RYR2: variants seen among roughly 807,000 people sequenced by gnomAD.
RYR2 encodes the protein ryanodine receptor 2, also known as cardiac muscle ryanodine receptor-calcium release channel.
In RYR2, 227 loss-of-function variants were observed where a neutral mutation model predicts 601.1. That is an observed-to-expected ratio of 0.38 (90% CI 0.34 to 0.42). The LOEUF (loss-of-function observed/expected upper bound fraction) is 0.42, where lower values mean the gene tolerates loss of function less well. Among genes scored for constraint, RYR2 ranks in the 10% least tolerant of loss-of-function variants. The pLI is 1.00. For missense variants in RYR2, 4,646 were observed against 6,156.5 expected (o/e 0.75, Z 8.21); for synonymous variants, 2,223 against 2,175.1 (o/e 1.02, Z -0.61).
chr1:237,197,033 A>G (rs1322857575), intron 1 of RYR2, among the ~76,000 whole-genome samples: 1 of 152,140 alleles, frequency 6.6e-6, no homozygotes, highest in African/African-American at 2.4e-5. Context: ...GCTGTTGTGA[A>G]TGGAATCTTT....
At position 237,393,126 on chromosome 1, in the gene RYR2, C is replaced by T. The variant is rs150670983; in HGVS notation, c.773+4943C>T. ...TGGTATGTTTTGTGGGGTGGTATGA[C>T]GGAGAGGTGGGGAGAGAAGGAGAGA... On this transcript the variant is annotated intron_variant, in intron 10 of 104. Coordinates refer to ENST00000366574, the MANE Select transcript of RYR2 (RefSeq NM_001035.3). Among the ~76,000 whole-genome samples, 321 of 152,080 alleles carry T rather than the reference C, an allele frequency of 2.1e-3. 2 individuals carry two copies. In the South Asian group the frequency reaches 0.032, roughly 15 times the overall value.
intron 10 of RYR2, among the ~76,000 whole-genome samples, chr1:237,406,504 A>ATGTG (rs1558765581): frequency 6.6e-6 from 1 of 151,904 alleles, no homozygotes; most frequent in Non-Finnish European, 1.5e-5. Context: ...TACTTTTGCA[A>ATGTG]CATTTACACA....
rs2150216325 is a variant in RYR2, at chr1:237,454,339, T to C, written c.1293-52T>C. The C allele has an allele frequency of 3.3e-6, 5 of 1,525,046 alleles. No individual in the cohort carries two copies. In the East Asian group the frequency reaches 6.8e-5, roughly 21 times the overall value. The allele number at this position is 1,525,046 out of a possible 1,614,324, so 94.5% of individuals were successfully genotyped here. A position where few individuals can be genotyped will look rare whatever the true frequency, so the allele number is the denominator to read the frequency against. On this transcript the variant is annotated intron_variant, in intron 14 of 104. Coordinates refer to ENST00000366574, the MANE Select transcript of RYR2 (RefSeq NM_001035.3). ...CTGAAATCATCTATAAATGGAAAAA[T>C]GATAAAATTGTGAATCACTGACAAT...
intron 23 of RYR2, among the ~76,000 whole-genome samples, chr1:237,507,529 T>A (rs1011473865): frequency 3.9e-5 from 6 of 152,238 alleles, no homozygotes; most frequent in Non-Finnish European, 8.8e-5. Context: ...TATTTACCCT[T>A]CATAGTTTAT....
At chr1:237,158,636 G>A (rs1158843749) in intron 1 of RYR2, among the ~76,000 whole-genome samples, 2 of 152,076 alleles carry the variant, frequency 1.3e-5, no homozygotes, top group African/African-American at 4.8e-5. Context: ...GAGACATTGT[G>A]CCTTTTTGTC....
At chr1:237,497,352 G>T (rs1015417063) in intron 20 of RYR2, among the ~76,000 whole-genome samples, 1 of 152,116 alleles carries the variant, frequency 6.6e-6, no homozygotes, top group African/African-American at 2.4e-5. Context: ...AGCTTTGATG[G>T]TTGAGTATAT....
At chr1:237,791,058 G>T (rs1375102845) in intron 92 of RYR2, among the ~76,000 whole-genome samples, 1 of 151,962 alleles carries the variant, frequency 6.6e-6, no homozygotes, top group African/African-American at 2.4e-5. Flanking sequence ...TGTATGACTT[G>T]CTCCCCGCTT....
At chr1:237,638,570 T>C in intron 45 of RYR2, 78 bp downstream of exon 45, 2 of 1,449,874 alleles carry the variant, frequency 1.4e-6, no homozygotes, top group Non-Finnish European at 1.9e-6. Flanking sequence ...ATCTCAGCAC[T>C]TTCATGAAGG....
At chr1:237,322,821 CGTGTGTGTGT>C (rs113420477) in intron 2 of RYR2, among the ~76,000 whole-genome samples, 2 of 143,146 alleles carry the variant, frequency 1.4e-5, no homozygotes, top group East Asian at 2.1e-4. Flanking sequence ...AACACACACA[CGTGTGTGTGT>C]GTGTGTGTGT....
intron 12 of RYR2, among the ~76,000 whole-genome samples, chr1:237,431,765 C>T (rs1003296806): frequency 1.3e-5 from 2 of 152,042 alleles, no homozygotes; most frequent in African/African-American, 4.8e-5. Flanking sequence ...GTTTTGTTCA[C>T]CATGGATAGT....
intron 29 of RYR2, among the ~76,000 whole-genome samples, chr1:237,570,951 A>T (rs1672619933): frequency 6.6e-6 from 1 of 151,870 alleles, no homozygotes; most frequent in Non-Finnish European, 1.5e-5. Flanking sequence ...ACATAGCAAG[A>T]CTCTGTTTCT....
chr1:237,235,230 T>C (rs1408118247), intron 1 of RYR2, among the ~76,000 whole-genome samples: 1 of 152,248 alleles, frequency 6.6e-6, no homozygotes, highest in African/African-American at 2.4e-5. Context: ...TGATTTTAGC[T>C]GAAGGCTCTT....
chr1:237,456,684 G>A lies in RYR2; in HGVS notation c.1561G>A (p.Glu521Lys), dbSNP rs759494098. The A allele has an allele frequency of 2.7e-5, 43 of 1,613,640 alleles. No individual in the cohort carries two copies. The East Asian group carries it at 9.4e-4, about 35-fold the overall frequency. ...ACACTTTGCTGATGTTGCTGGGCGAGAAGCAGGAGAGTCTTGGAAATCCAT... is the reference window on the plus strand; with the variant it reads ...ACACTTTGCTGATGTTGCTGGGCGAAAAGCAGGAGAGTCTTGGAAATCCAT... ...AAHFADVAGR[E>K]AGESWKSILN... Residue 521 changes from glutamate to lysine, a missense_variant, in exon 16 of 105, where the codon GAA (glutamate) becomes AAA (lysine). Glu to Lys is a moderately conservative substitution (Grantham distance 56). Transcript: ENST00000366574.
chr1:237,372,466 ATCTACCAT>A (rs1422902726), intron 6 of RYR2, among the ~76,000 whole-genome samples: 1 of 152,250 alleles, frequency 6.6e-6, no homozygotes, highest in East Asian at 1.9e-4. Context: ...AATATGTTTT[ATCTACCAT>A]TGCTAACTAA....
intron 56 of RYR2, among the ~76,000 whole-genome samples, chr1:237,663,921 A>G (rs1199147225): frequency 1.3e-5 from 2 of 152,208 alleles, no homozygotes; most frequent in South Asian, 4.1e-4. Context: ...TATACAATAG[A>G]GTATATAAGG....
chr1:237,832,865 T>A lies in RYR2; in HGVS notation c.*218T>A. 1 of 416,876 alleles carries A rather than the reference T, an allele frequency of 2.4e-6. No individual in the cohort carries two copies. Among genetic ancestry groups the A allele is most frequent in the Non-Finnish European group, 4.3e-6 (1 of 231,348 alleles). The allele number at this position is 416,876 out of a possible 1,614,324, so 25.8% of individuals were successfully genotyped here. ...ACTGAAGAATAATCTAAATTCATAC[T>A]CAGACAAAAAAAGGAATTCTGGAAA... On this transcript the variant is annotated 3_prime_UTR_variant, in exon 105 of 105. Transcript: ENST00000366574.
chr1:237,193,971 G>A (rs1474753503), intron 1 of RYR2, among the ~76,000 whole-genome samples: 3 of 152,126 alleles, frequency 2.0e-5, no homozygotes, highest in African/African-American at 7.2e-5. Context: ...CTATCTTGAA[G>A]TTTTCCTTTT....
chr1:237,704,490 C>T (rs1420194197), intron 66 of RYR2, among the ~76,000 whole-genome samples: 1 of 151,598 alleles, frequency 6.6e-6, no homozygotes, highest in East Asian at 1.9e-4. Context: ...ATGACTAAAT[C>T]AATATCATAT....
At chr1:237,481,423 C>T (rs1662078947) in intron 17 of RYR2, among the ~76,000 whole-genome samples, 1 of 152,102 alleles carries the variant, frequency 6.6e-6, no homozygotes, top group Admixed American at 6.6e-5. Flanking sequence ...GTTTGTGATA[C>T]ACAAAATTCA....
Sources: gnomAD v4.1 joint callset for allele counts (sites outside exome capture counted in the v4.1 genomes callset) on GRCh38, gnomAD v4.1.1 for gene constraint, MANE v1.5 for transcripts, NCBI Gene and HGNC (gene_info 2026-07-23, HGNC 2026-07-21) for gene names.